Variants in BAHCC1 observed in about 807,000 individuals in gnomAD.
BAHCC1 encodes BAH domain and coiled-coil containing 1, also known as BAH and coiled-coil domain-containing protein 1.
In BAHCC1, 43 loss-of-function variants were observed where a neutral mutation model predicts 88.2. The ratio of observed to expected loss-of-function variants is 0.49; its 90% confidence interval spans 0.38 to 0.63. The LOEUF (loss-of-function observed/expected upper bound fraction) is 0.63. Ranked by LOEUF, BAHCC1 falls within the 20% of genes least tolerant of loss-of-function variation. The pLI is 0.00. For missense variants in BAHCC1, 3,023 were observed against 1,654.8 expected, an observed-to-expected ratio of 1.83 and a Z score of -14.34; for synonymous variants, 1,510 against 745.5, an observed-to-expected ratio of 2.03 and a Z score of -16.71.
Position 81,438,398 on chromosome 17 carries a change from T to C in BAHCC1, c.387T>C (p.Ser129=). ...CGGGGTACCCCAGATTTTCGGGGAG[T>C]CTGGCATCCACCTTCCTACCCGTGA... is the stretch of plus-strand genomic sequence containing the variant. ...EAPGYPRFSG[S]LASTFLPVSH... is the part of the protein sequence containing the mutation. The change falls in exon 4 of 28, where the codon AGT becomes AGC. Residue 129 remains serine (S), a synonymous_variant. Coordinates refer to ENST00000675386, the MANE Select transcript of BAHCC1 (RefSeq NM_001377448.1). 1.3e-6 allele frequency: 1 copy of C among 778,582 alleles called. No individual in the cohort carries two copies. 48.2% of individuals were successfully genotyped at this position (778,582 alleles called of 1,614,324 possible).
At chr17:81,420,239 G>C (rs1204440447) in intron 2 of BAHCC1, among the ~76,000 whole-genome samples, 2 of 152,224 alleles carry the variant, frequency 1.3e-5, no homozygotes, top group Non-Finnish European at 2.9e-5. Flanking sequence ...CAGGTTGGCA[G>C]GAGGCAGGCT....
chr17:81,404,514 G>T (rs1345656792), intron 2 of BAHCC1, among the ~76,000 whole-genome samples: 1 of 152,228 alleles, frequency 6.6e-6, no homozygotes, highest in South Asian at 2.1e-4. Flanking sequence ...CCCCTGAGAA[G>T]CAGGGCCTGG....
At chr17:81,416,087 CGTGTGTGTCCATGAGGATGGGTGT>C (rs1568001013) in intron 2 of BAHCC1, among the ~76,000 whole-genome samples, 2 of 117,760 alleles carry the variant, frequency 1.7e-5, no homozygotes, top group South Asian at 3.0e-4. Context: ...TGCGTGTGTG[CGTGTGTGTCCATGAGGATGGGTGT>C]GTGTGTGTCC....
In BAHCC1 at chr17:81,455,299, C is replaced by T. The variant is rs782636842; in HGVS notation, c.4478C>T (p.Ala1493Val). Residue 1493 changes from alanine to valine, a missense_variant, in exon 15 of 28, where the codon GCG becomes GTG. Physicochemically the swap from Ala to Val is moderately conservative, Grantham distance 64 (BLOSUM62 0). Transcript: ENST00000675386. ...AVRTSLGLLC[A>V]ELRGGSGGEP... ...CGGACAAGCCTGGGTCTGCTGTGTG[C>T]GGAGCTGCGAGGAGGCAGTGGGGGC... 1.4e-5 allele frequency: 10 copies of T among 716,966 alleles called. No homozygotes were observed. The highest frequency in any genetic ancestry group is 2.1e-5 in the Non-Finnish European group (8 of 385,342). The allele number at this position is 716,966 out of a possible 1,614,324, so 44.4% of individuals were successfully genotyped here.
intron 11 of BAHCC1, among the ~76,000 whole-genome samples, chr17:81,449,750 C>T (rs1359971535): frequency 1.3e-5 from 2 of 150,788 alleles, no homozygotes; most frequent in African/African-American, 4.9e-5. Flanking sequence ...TTCCCTTGGT[C>T]CCCATCAGAT....
chr17:81,412,513 G>A (rs185678216), intron 2 of BAHCC1, among the ~76,000 whole-genome samples: 1 of 152,326 alleles, frequency 6.6e-6, no homozygotes, highest in East Asian at 1.9e-4. Context: ...GCCTCAGGTG[G>A]GAGGCGGCTG....
intron 27 of BAHCC1, among the ~76,000 whole-genome samples, 176 bp downstream of exon 27, chr17:81,463,152 G>A (rs921530587): frequency 1.3e-5 from 2 of 152,118 alleles, no homozygotes; most frequent in Non-Finnish European, 2.9e-5. Context: ...CCTAGAGCAG[G>A]GCTCCCAGGT....
intron 11 of BAHCC1, 22 bp from the exon 12 acceptor site, chr17:81,451,646 C>T: frequency 1.3e-6 from 1 of 768,958 alleles, no homozygotes. Context: ...TATGCCCATG[C>T]TGACCTTCCC....
At chr17:81,406,901 C>T (rs1555647000) in intron 2 of BAHCC1, 2 of 456,328 alleles carry the variant, frequency 4.4e-6, no homozygotes, top group Non-Finnish European at 8.8e-6. Flanking sequence ...CTGCAGCTGT[C>T]CACACGATTA....
rs374880511 is a variant in BAHCC1 at position 81,442,225 on chromosome 17, C to T, written c.876C>T (p.Gly292=). 7.2e-5 allele frequency: 46 copies of T among 641,824 alleles called. 1 individual carries two copies. The highest frequency in any genetic ancestry group is 6.3e-4 in the African/African-American group (33 of 52,708). 39.8% of individuals were successfully genotyped at this position (641,824 alleles called of 1,614,324 possible). A position where few individuals can be genotyped will look rare whatever the true frequency, so the allele number is the denominator to read the frequency against. The change falls in exon 5 of 28, where the codon GGC becomes GGT. Residue 292 remains glycine, a synonymous_variant. Coordinates refer to ENST00000675386, the MANE Select transcript of BAHCC1 (RefSeq NM_001377448.1). ...TCCTCAACACCAAGGTGCTCAACGG[C>T]GAGATGGGCAGGGCTGCGCTAGCCA... ...SCLLNTKVLN[G]EMGRAALASC... is the part of the protein sequence containing the mutation.
At chr17:81,423,020 C>T (rs971021056) in intron 2 of BAHCC1, among the ~76,000 whole-genome samples, 7 of 152,202 alleles carry the variant, frequency 4.6e-5, no homozygotes, top group African/African-American at 2.4e-5. Flanking sequence ...GGTCTGGCCC[C>T]GGCCCATGGC....
At chr17:81,455,219 G>A (rs782687879) in intron 14 of BAHCC1, 48 bp from the exon 15 acceptor site, 494 of 701,288 alleles carry the variant, frequency 7.0e-4, no homozygotes, top group Non-Finnish European at 1.1e-3. Flanking sequence ...ACAAGGCTGG[G>A]GCGGCCGGGC....
chr17:81,456,531 CGGGAGACACCCA>C lies in BAHCC1; in HGVS notation c.4807_4818del (p.Glu1603_Arg1606del), dbSNP rs782717666. On this transcript the variant is annotated inframe_deletion, in exon 16 of 28. Coordinates refer to ENST00000675386, the MANE Select transcript of BAHCC1 (RefSeq NM_001377448.1). The stretch of plus-strand genomic sequence containing the variant: ...CCCACAGCCCAAGGGCCACGGCAGC[CGGGAGACACCCA>C]GGTGCCCAGCCCAGCCCTCCGTGGC... The C allele has an allele frequency of 5.5e-5, 39 of 715,198 alleles. No homozygotes were observed. In the African/African-American group the frequency reaches 5.6e-4, roughly 10 times the overall value. The allele number at this position is 715,198 out of a possible 1,614,324, so 44.3% of individuals were successfully genotyped here. A position where few individuals can be genotyped will look rare whatever the true frequency, so the allele number is the denominator to read the frequency against.
intron 2 of BAHCC1, among the ~76,000 whole-genome samples, chr17:81,419,497 TTGGGACCG>T: frequency 6.6e-6 from 1 of 152,226 alleles, no homozygotes; most frequent in African/African-American, 2.4e-5. Context: ...GGAAGTGTGC[TTGGGACCG>T]CCCATCACTC....
intron 2 of BAHCC1, among the ~76,000 whole-genome samples, chr17:81,424,639 G>A (rs2064153167): frequency 1.3e-5 from 2 of 152,110 alleles, no homozygotes; most frequent in Admixed American, 1.3e-4. Context: ...GGTGGATGAT[G>A]TGGTTGGTGG....
chr17:81,447,188 C>A lies in BAHCC1; in HGVS notation c.3316C>A (p.Pro1106Thr), dbSNP rs782180835. ...CACAAGGACATTCCTGCCTGGGGAG[C>A]CGCCTCCCTGCAGCCCCAGGAGCCT... is the stretch of plus-strand genomic sequence containing the variant. ...EPTRTFLPGEPPPCSPRSLEE... is the reference protein window; with the variant it reads ...EPTRTFLPGETPPCSPRSLEE... Residue 1106 changes from proline (P) to threonine (T), a missense_variant, in exon 11 of 28, where the codon CCG becomes ACG. By Grantham distance (38) the Pro-to-Thr change is conservative. Transcript: ENST00000675386. 2 of 767,188 alleles carry A rather than the reference C, an allele frequency of 2.6e-6. No homozygotes were observed. The highest frequency in any genetic ancestry group is 1.4e-5 in the South Asian group (1 of 73,024). 47.5% of individuals were successfully genotyped at this position (767,188 alleles called of 1,614,324 possible). A position where few individuals can be genotyped will look rare whatever the true frequency, so the allele number is the denominator to read the frequency against.
At chr17:81,413,800 G>A (rs1002423918) in intron 2 of BAHCC1, among the ~76,000 whole-genome samples, 14 of 152,242 alleles carry the variant, frequency 9.2e-5, no homozygotes, top group African/African-American at 3.4e-4. Flanking sequence ...TACCAGCCGG[G>A]TTAAGGTGTC....
chr17:81,430,964 C>T (rs2064253416), intron 3 of BAHCC1, among the ~76,000 whole-genome samples: 1 of 143,310 alleles, frequency 7.0e-6, no homozygotes, highest in African/African-American at 2.6e-5. Flanking sequence ...CGCTGGGATG[C>T]GAGGGACAGC....
At position 81,458,042 on chromosome 17, in the gene BAHCC1, C is replaced by T. The variant is rs374008482; in HGVS notation, c.5042-123C>T. 295 of 604,494 alleles carry T rather than the reference C, an allele frequency of 4.9e-4. 1 individual carries two copies. The African/African-American group carries it at 5.8e-3, about 12-fold the overall frequency. The allele number at this position is 604,494 out of a possible 1,614,324, so 37.4% of individuals were successfully genotyped here. ...ACCAGGAGGGGGAGGGCAGAGGTTGCTGGGTAACCCGGGGGCGGGCAGGGG... is the reference window on the plus strand; with the variant it reads ...ACCAGGAGGGGGAGGGCAGAGGTTGTTGGGTAACCCGGGGGCGGGCAGGGG... On this transcript the variant is annotated intron_variant, in intron 17 of 27. Transcript: ENST00000675386.
Sources: gnomAD v4.1 joint callset for allele counts (sites outside exome capture counted in the v4.1 genomes callset) on GRCh38, gnomAD v4.1.1 for gene constraint, MANE v1.5 for transcripts, NCBI Gene and HGNC (gene_info 2026-07-23, HGNC 2026-07-21) for gene names.